Variants in FN1 observed in about 807,000 individuals in gnomAD.
FN1 encodes fibronectin.
Under a neutral mutation model 297.3 loss-of-function variants are expected in FN1, and 106 were observed. That is an observed-to-expected ratio of 0.36 (90% CI 0.30 to 0.42). The LOEUF is 0.42. Ranked by LOEUF, FN1 falls within the 10% of genes least tolerant of loss-of-function variation. FN1 has a pLI of 1.00. For synonymous variants in FN1, 1,149 were observed against 1,152.6 expected (o/e 1.00, Z 0.06); for missense variants, 2,690 against 3,124.9 (o/e 0.86, Z 3.32).
intron 13 of FN1, among the ~76,000 whole-genome samples, chr2:215,410,495 T>C (rs2062455728): frequency 7.1e-6 from 1 of 139,972 alleles, no homozygotes; most frequent in Non-Finnish European, 1.5e-5. Flanking sequence ...TTGCAGACAC[T>C]GGGCACCTTC....
rs780284852 is a variant in FN1 at position 215,380,951 on chromosome 2, T to C, written c.5294A>G (p.His1765Arg). The change falls in exon 33 of 46, where the codon CAT becomes CGT. Residue 1765 changes from histidine (H) to arginine (R), a missense_variant. Around this residue, in one of 3 missense-constraint regions of FN1, gnomAD observed 1,743 missense variants for 1,945.2 expected, o/e 0.90. Transcript: ENST00000354785. ...ACCATCAGGTGCAGGGAATAGCTCA[T>C]GGATTCCATCCTCAGGGCTCGAGTA... ...VTYSSPEDGI[H>R]ELFPAPDGEE... 3 of 1,614,258 alleles carry C rather than the reference T, an allele frequency of 1.9e-6. No individual in the cohort carries two copies. The highest frequency in any genetic ancestry group is 3.3e-5 in the Admixed American group (2 of 60,030).
At chr2:215,399,391 TCA>T in intron 20 of FN1, 40 bp from the exon 21 acceptor site, 1 of 1,337,068 alleles carries the variant, frequency 7.5e-7, no homozygotes, top group Admixed American at 1.7e-5. Context: ...AAACTCAAAC[TCA>T]CAGATGATTG....
chr2:215,429,402 C>G (rs920239006), intron 5 of FN1, among the ~76,000 whole-genome samples: 1 of 152,156 alleles, frequency 6.6e-6, no homozygotes, highest in Non-Finnish European at 1.5e-5. Flanking sequence ...CAAATTTGCT[C>G]TGTGCCACGA....
rs1304049702 is a variant in FN1, at chr2:215,425,082, G to T, written c.1036+12C>A. The T allele has an allele frequency of 1.2e-6, 2 of 1,612,348 alleles. No homozygotes were observed. ...AGTCATCAGTCCTATTCTTCAAAAA[G>T]ATAATGCATACCTGTCTCTTGGCAG... is the stretch of plus-strand genomic sequence containing the variant. On this transcript the variant is annotated intron_variant, in intron 7 of 45. Coordinates refer to ENST00000354785, the MANE Select transcript of FN1 (RefSeq NM_212482.4).
rs1475148521 is a variant in FN1, at chr2:215,379,293, T to TTCAGG, written c.5454_5458dup (p.Lys1820ThrfsTer2). On this transcript the variant is annotated stop_gained and frameshift_variant, in exon 34 of 46. Transcript: ENST00000354785. LOFTEE classifies it high-confidence loss of function. ...GCTTGTGGGTGTGACCTGAGTGAACTTCAGGTCAGTTGGTGCAGGAATAGC... is the reference window on the plus strand; with the variant it reads ...GCTTGTGGGTGTGACCTGAGTGAACTTCAGGTCAGGTCAGTTGGTGCAGGAATAGC... 6.2e-7 allele frequency: 1 copy of TTCAGG among 1,613,836 alleles called. No homozygotes were observed. The highest frequency in any genetic ancestry group is 8.5e-7 in the Non-Finnish European group (1 of 1,179,898).
intron 42 of FN1, 53 bp downstream of exon 42, chr2:215,367,810 C>T (rs1206270025): frequency 6.3e-7 from 1 of 1,578,552 alleles, no homozygotes; most frequent in Non-Finnish European, 8.7e-7. Flanking sequence ...TGAGTGCATG[C>T]ATGGAACTTG....
chr2:215,419,220 T>G (rs2063857346), intron 12 of FN1, 22 bp downstream of exon 12: 2 of 1,612,538 alleles, frequency 1.2e-6, no homozygotes, highest in African/African-American at 1.3e-5. Context: ...AGTTCTCAAC[T>G]TGCAGTAATA....
chr2:215,382,220 G>C lies in FN1; in HGVS notation c.5156C>G (p.Ala1719Gly). 1 of 1,608,458 alleles carries C rather than the reference G, an allele frequency of 6.2e-7. No homozygotes were observed. Among genetic ancestry groups the C allele is most frequent in the Non-Finnish European group, 8.5e-7 (1 of 1,174,860 alleles). The change falls in exon 32 of 46, where the codon GCA (alanine) becomes GGA (glycine). Residue 1719 changes from alanine (A) to glycine (G), a missense_variant. By Grantham distance (60) the Ala-to-Gly change is moderately conservative. Around this residue, in one of 3 missense-constraint regions of FN1, gnomAD observed 1,743 missense variants for 1,945.2 expected, o/e 0.90. Coordinates refer to ENST00000354785, the MANE Select transcript of FN1 (RefSeq NM_212482.4). Reference sequence around the variant, plus strand: ...AAGCAGTGGTTACGTACTGGTTACTGCAGTCTGAACCAGAGGCTGACTCTC... The same window carrying C: ...AAGCAGTGGTTACGTACTGGTTACTCCAGTCTGAACCAGAGGCTGACTCTC... ...SGESQPLVQT[A>G]VTNIDRPKGL...
chr2:215,385,025 T>C lies in FN1; in HGVS notation c.4613-49A>G, dbSNP rs1258291887. 4 of 1,223,676 alleles carry C rather than the reference T, an allele frequency of 3.3e-6. No homozygotes were observed. In the Admixed American group the frequency reaches 5.1e-5, roughly 16 times the overall value. The allele number at this position is 1,223,676 out of a possible 1,614,324, so 75.8% of individuals were successfully genotyped here. A position where few individuals can be genotyped will look rare whatever the true frequency, so the allele number is the denominator to read the frequency against. ...CACATCCGTAATTTTCAAACAATATTCAGATTTACTGTTTGTTCATTTTCC... is the reference window on the plus strand; with the variant it reads ...CACATCCGTAATTTTCAAACAATATCCAGATTTACTGTTTGTTCATTTTCC... On this transcript the variant is annotated intron_variant, in intron 28 of 45. Coordinates refer to ENST00000354785, the MANE Select transcript of FN1 (RefSeq NM_212482.4).
At chr2:215,367,280 GA>G (rs2054830012) in intron 42 of FN1, among the ~76,000 whole-genome samples, 2 of 152,136 alleles carry the variant, frequency 1.3e-5, no homozygotes, top group Admixed American at 6.5e-5. Flanking sequence ...AAACGTATTA[GA>G]ATTTGAAAAT....
intron 31 of FN1, 92 bp from the exon 32 acceptor site, chr2:215,382,417 G>T: frequency 2.5e-6 from 2 of 786,138 alleles, no homozygotes; most frequent in Non-Finnish European, 4.5e-6. Context: ...AACATATGGT[G>T]GCCTAGAATT....
Position 215,378,096 on chromosome 2 carries a change from C to G in FN1, c.5710+79G>C. The G allele has an allele frequency of 3.2e-6, 3 of 930,010 alleles. No homozygotes were observed. The Admixed American group carries it at 5.1e-5, about 16-fold the overall frequency. The allele number at this position is 930,010 out of a possible 1,614,324, so 57.6% of individuals were successfully genotyped here. Reference sequence around the variant, plus strand: ...GTGCTTGGATTTTAGACATGAGCCACTGAACCCCACTGATTTACCATTCTT... The same window carrying G: ...GTGCTTGGATTTTAGACATGAGCCAGTGAACCCCACTGATTTACCATTCTT... On this transcript the variant is annotated intron_variant, in intron 35 of 45. Coordinates refer to ENST00000354785, the MANE Select transcript of FN1 (RefSeq NM_212482.4).
In FN1 at chr2:215,372,034, T is replaced by TG. The variant is rs767991442; in HGVS notation, c.6588dup (p.Asn2197GlnfsTer26). 6 of 1,614,216 alleles carry TG rather than the reference T, an allele frequency of 3.7e-6. No individual in the cohort carries two copies. In the South Asian group the frequency reaches 6.6e-5, roughly 18 times the overall value. Reference sequence around the variant, plus strand: ...TCTTGTCCTGTAGAGGCATTTGGATTGAGTCCCGGACCGTGTGGGTACAGG... The same window carrying TG: ...TCTTGTCCTGTAGAGGCATTTGGATTGGAGTCCCGGACCGTGTGGGTACAGG... On this transcript the variant is annotated frameshift_variant, in exon 40 of 46. Transcript: ENST00000354785. LOFTEE classifies it high-confidence loss of function.
chr2:215,430,606 G>C, intron 5 of FN1, 109 bp downstream of exon 5: 1 of 1,300,206 alleles, frequency 7.7e-7, no homozygotes, highest in Non-Finnish European at 1.1e-6. Flanking sequence ...AGTTACCAAA[G>C]CATGCTGATA....
chr2:215,372,253 C>A lies in FN1; in HGVS notation c.6370G>T (p.Gly2124Cys). The change falls in exon 40 of 46, where the codon GGT becomes TGT. Residue 2124 changes from glycine (G) to cysteine (C), a missense_variant. By Grantham distance (159) the Gly-to-Cys change is radical. Around this residue, in one of 3 missense-constraint regions of FN1, gnomAD observed 1,743 missense variants for 1,945.2 expected, o/e 0.90. Transcript: ENST00000354785. ...CCAGAAGTGCCAGGAAGCTGAATACCATTTCCAGTGTCATACCCAGGGTGG... is the reference window on the plus strand; with the variant it reads ...CCAGAAGTGCCAGGAAGCTGAATACAATTTCCAGTGTCATACCCAGGGTGG... ...VTHPGYDTGN[G>C]IQLPGTSGQQ... The A allele has an allele frequency of 6.2e-7, 1 of 1,614,202 alleles. No homozygotes were observed. The highest frequency in any genetic ancestry group is 2.2e-5 in the East Asian group (1 of 44,882).
intron 20 of FN1, among the ~76,000 whole-genome samples, chr2:215,401,967 G>A (rs2061227839): frequency 1.3e-5 from 2 of 151,848 alleles, no homozygotes; most frequent in Non-Finnish European, 2.9e-5. Flanking sequence ...TGACTGGGAT[G>A]GGTGACCCGA....
chr2:215,397,742 G>A lies in FN1; in HGVS notation c.3455C>T (p.Thr1152Ile), dbSNP rs2060478209. Residue 1152 changes from threonine to isoleucine, a missense_variant, in exon 22 of 46, where the codon ACC becomes ATC. Around this residue, in one of 3 missense-constraint regions of FN1, gnomAD observed 1,743 missense variants for 1,945.2 expected, o/e 0.90. Coordinates refer to ENST00000354785, the MANE Select transcript of FN1 (RefSeq NM_212482.4). ...GLTPGVEYVY[T>I]IQVLRDGQER... The stretch of plus-strand genomic sequence containing the variant: ...CTGTCCATCTCTCAGGACTTGGATG[G>A]TGTAGACGTATTCTACTCCTGGAGT... 1 of 1,613,900 alleles carries A rather than the reference G, an allele frequency of 6.2e-7. No homozygotes were observed. Among genetic ancestry groups the A allele is most frequent in the Admixed American group, 1.7e-5 (1 of 59,992 alleles).
At chr2:215,413,810 C>T (rs190780266) in intron 13 of FN1, among the ~76,000 whole-genome samples, 95 of 152,330 alleles carry the variant, frequency 6.2e-4, no homozygotes, top group African/African-American at 2.2e-3. Flanking sequence ...ATTTTGCCCT[C>T]ATATTTGATT....
At chr2:215,383,525 T>C (rs1175901129) in intron 30 of FN1, 42 bp from the exon 31 acceptor site, 4 of 1,609,788 alleles carry the variant, frequency 2.5e-6, no homozygotes, top group Non-Finnish European at 3.4e-6. Flanking sequence ...GCCCCAGTCC[T>C]TGGAGACAAG....
Sources: allele counts gnomAD v4.1 joint callset (sites outside exome capture counted in the v4.1 genomes callset), GRCh38; gene constraint gnomAD v4.1.1; regional missense constraint gnomAD v4.1.1; transcripts MANE v1.5; gene names NCBI Gene and HGNC (gene_info 2026-07-23, HGNC 2026-07-21).